The following ZNF385D variants were observed in gnomAD, a reference collection of about 807,000 sequenced individuals.
ZNF385D encodes the protein zinc finger protein 659.
Under a neutral mutation model 35.8 loss-of-function variants are expected in ZNF385D, and 15 were observed. The ratio of observed to expected loss-of-function variants is 0.42; its 90% confidence interval spans 0.28 to 0.64. The LOEUF (loss-of-function observed/expected upper bound fraction) is 0.64, where lower values mean the gene tolerates loss of function less well. ZNF385D is among the 30% of genes least tolerant of loss of function. ZNF385D has a pLI of 0.23. For missense variants in ZNF385D, 474 were observed against 494.6 expected (o/e 0.96, Z 0.39); for synonymous variants, 212 against 186.8 (o/e 1.13, Z -1.10).
intron 1 of ZNF385D, among the ~76,000 whole-genome samples, chr3:21,683,644 T>C (rs1349674835): frequency 1.3e-5 from 2 of 148,810 alleles, no homozygotes; most frequent in African/African-American, 5.0e-5. Context: ...TTCATGTGGG[T>C]GTGAACTAAG....
intron 2 of ZNF385D, among the ~76,000 whole-genome samples, chr3:21,641,931 G>T (rs2065618320): frequency 6.6e-6 from 1 of 152,110 alleles, no homozygotes; most frequent in Non-Finnish European, 1.5e-5. Context: ...GCCAGCAGCT[G>T]CGCCAATAGA....
At chr3:21,742,997 G>T (rs997839070) in intron 1 of ZNF385D, among the ~76,000 whole-genome samples, 1 of 152,174 alleles carries the variant, frequency 6.6e-6, no homozygotes, top group Non-Finnish European at 1.5e-5. Flanking sequence ...ACTTTTATGT[G>T]TATAGCATAT....
At chr3:22,158,969 T>A (rs1213407102) in intron 3 of ZNF385D, among the ~76,000 whole-genome samples, 1 of 151,962 alleles carries the variant, frequency 6.6e-6, no homozygotes, top group Non-Finnish European at 1.5e-5. Context: ...AAGCTTATAC[T>A]TTCAAACCTA....
intron 1 of ZNF385D, among the ~76,000 whole-genome samples, chr3:21,729,898 C>A (rs1374605288): frequency 6.6e-6 from 1 of 152,160 alleles, no homozygotes; most frequent in Non-Finnish European, 1.5e-5. Context: ...AATGCAGGAG[C>A]AACCTACTCC....
At chr3:21,886,559 G>A (rs1253625622) in intron 3 of ZNF385D, among the ~76,000 whole-genome samples, 1 of 151,890 alleles carries the variant, frequency 6.6e-6, no homozygotes, top group Non-Finnish European at 1.5e-5. Flanking sequence ...TTGGATGGAC[G>A]GCTCAGAAAA....
At chr3:21,988,524 G>T (rs531262614) in intron 3 of ZNF385D, among the ~76,000 whole-genome samples, 1 of 145,118 alleles carries the variant, frequency 6.9e-6, no homozygotes, top group African/African-American at 2.5e-5. Context: ...CAGTCTGCCC[G>T]TTCTCAGATC....
intron 3 of ZNF385D, among the ~76,000 whole-genome samples, chr3:21,989,850 G>C (rs751948886): frequency 3.3e-5 from 5 of 152,234 alleles, no homozygotes; most frequent in Non-Finnish European, 5.9e-5. Context: ...TCACATGTCT[G>C]TTGATGGTAT....
chr3:22,280,371 T>C (rs909211640), intron 2 of ZNF385D, among the ~76,000 whole-genome samples: 13 of 151,894 alleles, frequency 8.6e-5, no homozygotes, highest in African/African-American at 3.1e-4. Flanking sequence ...GAAGGGTTTT[T>C]TTTTTTTTTA....
intron 4 of ZNF385D, among the ~76,000 whole-genome samples, chr3:21,460,573 C>A (rs1311795461): frequency 1.3e-5 from 2 of 152,154 alleles, no homozygotes; most frequent in Non-Finnish European, 2.9e-5. Context: ...TCTATATAAT[C>A]TCATGATAAA....
intron 3 of ZNF385D, among the ~76,000 whole-genome samples, chr3:21,528,698 C>T (rs1012255368): frequency 6.6e-6 from 1 of 152,080 alleles, no homozygotes; most frequent in African/African-American, 2.4e-5. Flanking sequence ...TTTGTTAGAG[C>T]CACTATGCAT....
chr3:22,268,628 A>G (rs1701017296), intron 2 of ZNF385D, among the ~76,000 whole-genome samples: 1 of 152,098 alleles, frequency 6.6e-6, no homozygotes, highest in Non-Finnish European at 1.5e-5. Context: ...GGCATGGGCC[A>G]TAGTCCATAG....
At chr3:22,254,833 A>G (rs910587403) in intron 2 of ZNF385D, among the ~76,000 whole-genome samples, 2 of 151,736 alleles carry the variant, frequency 1.3e-5, no homozygotes, top group African/African-American at 4.8e-5. Context: ...CCCTTCTTTT[A>G]CTTAATAGTC....
chr3:21,625,798 G>A (rs150622914), intron 2 of ZNF385D, among the ~76,000 whole-genome samples: 1 of 152,088 alleles, frequency 6.6e-6, no homozygotes, highest in Non-Finnish European at 1.5e-5. Flanking sequence ...GTAGCACACA[G>A]TGAGTATCTA....
chr3:21,656,380 T>G (rs2066072136), intron 2 of ZNF385D, among the ~76,000 whole-genome samples: 1 of 152,006 alleles, frequency 6.6e-6, no homozygotes, highest in East Asian at 1.9e-4. Context: ...TGGTTTCTTC[T>G]GAAGATTGTT....
chr3:21,783,704 G>T (rs1005917242), intron 3 of ZNF385D, among the ~76,000 whole-genome samples: 1 of 152,020 alleles, frequency 6.6e-6, no homozygotes, highest in African/African-American at 2.4e-5. Context: ...GAAGAACACC[G>T]TAACAGAAGC....
At chr3:21,562,947 A>T (rs1013728347) in intron 3 of ZNF385D, among the ~76,000 whole-genome samples, 1 of 152,164 alleles carries the variant, frequency 6.6e-6, no homozygotes, top group Non-Finnish European at 1.5e-5. Context: ...GCATTAAAAA[A>T]CAAAAAATCC....
At chr3:22,196,419 A>C (rs1019678438) in intron 2 of ZNF385D, among the ~76,000 whole-genome samples, 1 of 152,024 alleles carries the variant, frequency 6.6e-6, no homozygotes, top group Non-Finnish European at 1.5e-5. Context: ...ATTTGAAAAC[A>C]CATATATTTG....
At chr3:22,149,032 C>T (rs919360296) in intron 3 of ZNF385D, among the ~76,000 whole-genome samples, 2 of 152,170 alleles carry the variant, frequency 1.3e-5, no homozygotes, top group South Asian at 4.1e-4. Context: ...GTGCCATGGG[C>T]TGGATGGATG....
intron 3 of ZNF385D, among the ~76,000 whole-genome samples, chr3:21,890,314 A>C (rs368505238): frequency 6.6e-6 from 1 of 152,160 alleles, no homozygotes; most frequent in Non-Finnish European, 1.5e-5. Flanking sequence ...TGGTAGACTC[A>C]GGCAGTATAA....
Sources: gnomAD v4.1 joint callset for allele counts (sites outside exome capture counted in the v4.1 genomes callset) on GRCh38, gnomAD v4.1.1 for gene constraint, MANE v1.5 for transcripts, NCBI Gene and HGNC (gene_info 2026-07-23, HGNC 2026-07-21) for gene names.